Variants in HNRNPM observed in about 807,000 individuals in gnomAD.
The protein encoded by HNRNPM is CEA receptor.
Under a neutral mutation model 73.1 loss-of-function variants are expected in HNRNPM, and 11 were observed. The ratio of observed to expected loss-of-function variants is 0.15; its 90% confidence interval spans 0.09 to 0.25. HNRNPM has a LOEUF of 0.25. Among genes scored for constraint, HNRNPM ranks in the 10% least tolerant of loss-of-function variants. The pLI is 1.00. For missense variants in HNRNPM, 789 were observed against 1,067.9 expected (o/e 0.74, Z 3.64); for synonymous variants, 407 against 355.2 (o/e 1.15, Z -1.64).
chr19:8,445,410 G>A, intron 1 of HNRNPM: 1 of 287,568 alleles, frequency 3.5e-6, no homozygotes, highest in Non-Finnish European at 6.5e-6. Context: ...GATGGCGCGG[G>A]CCCGGACCGG....
chr19:8,445,873 C>T (rs931985419), intron 1 of HNRNPM, among the ~76,000 whole-genome samples: 2 of 152,358 alleles, frequency 1.3e-5, no homozygotes, highest in Middle Eastern at 3.4e-3. Flanking sequence ...CCCTTTTTCC[C>T]GTGTTTCGGG....
chr19:8,475,459 G>A (rs534509497), intron 12 of HNRNPM, among the ~76,000 whole-genome samples: 2 of 152,302 alleles, frequency 1.3e-5, no homozygotes, highest in South Asian at 4.1e-4. Flanking sequence ...CTTCCTTTGC[G>A]GGTCTGCCAT....
chr19:8,473,771 CT>C (rs1297649143), intron 11 of HNRNPM, 63 bp downstream of exon 11: 20 of 1,033,538 alleles, frequency 1.9e-5, no homozygotes, highest in Admixed American at 4.2e-5. Context: ...TCTCTTTCCT[CT>C]TTTCTTTCTT....
At chr19:8,477,142 G>T (rs1970566955) in intron 12 of HNRNPM, among the ~76,000 whole-genome samples, 1 of 152,096 alleles carries the variant, frequency 6.6e-6, no homozygotes, top group Admixed American at 6.5e-5. Context: ...CATTTCTAAG[G>T]AGTGAGATGA....
chr19:8,474,191 G>A lies in HNRNPM; in HGVS notation c.1067G>A (p.Gly356Asp). Residue 356 changes from glycine to aspartate, a missense_variant, in exon 12 of 16, where the codon GGT (glycine) becomes GAT (aspartate). Around this residue, in one of 4 missense-constraint regions of HNRNPM, gnomAD observed 604 missense variants for 744.0 expected, o/e 0.81. Transcript: ENST00000325495. The stretch of plus-strand genomic sequence containing the variant: ...GGAATGGAGGGGCCCTTTGGTGGTG[G>A]TATGGAAAACATGGGTCGATTTGGA... ...MGGMEGPFGG[G>D]MENMGRFGSG... The A allele has an allele frequency of 6.3e-7, 1 of 1,599,502 alleles. No homozygotes were observed. Among genetic ancestry groups the A allele is most frequent in the African/African-American group, 1.4e-5 (1 of 73,828 alleles).
intron 12 of HNRNPM, among the ~76,000 whole-genome samples, chr19:8,475,712 G>A (rs973216960): frequency 1.1e-4 from 16 of 152,180 alleles, no homozygotes; most frequent in African/African-American, 3.4e-4. Context: ...TGTAACTTGT[G>A]TGTGCATGGG....
At chr19:8,454,701 T>A (rs1968880649) in intron 1 of HNRNPM, among the ~76,000 whole-genome samples, 1 of 123,806 alleles carries the variant, frequency 8.1e-6, no homozygotes. Context: ...TTTTTAACAC[T>A]ATGAAAGACA....
rs1397210961 is a variant in HNRNPM at position 8,485,773 on chromosome 19, C to T, written c.1345C>T (p.Arg449Cys). The change falls in exon 14 of 16, where the codon CGC (arginine) becomes TGC (cysteine). Residue 449 changes from arginine (R) to cysteine (C), a missense_variant. Physicochemically the swap from Arg to Cys is radical, Grantham distance 180. Coordinates refer to ENST00000325495, the MANE Select transcript of HNRNPM (RefSeq NM_005968.5). ...CATGGACCGCATGGGCTCCGTGGAG[C>T]GCATGGGCTCCGGCATTGAGCGCAT... ...LVMDRMGSVE[R>C]MGSGIERMGP... 2 of 1,603,326 alleles carry T rather than the reference C, an allele frequency of 1.2e-6. No homozygotes were observed. Among genetic ancestry groups the T allele is most frequent in the East Asian group, 2.2e-5 (1 of 44,666 alleles).
intron 12 of HNRNPM, among the ~76,000 whole-genome samples, chr19:8,474,583 A>G (rs1970375869): frequency 1.3e-5 from 2 of 152,276 alleles, no homozygotes; most frequent in South Asian, 4.1e-4. Context: ...GAGTGCTGCA[A>G]AGGGTTGTTC....
At chr19:8,460,307 TAGC>T (rs1029562153) in intron 2 of HNRNPM, among the ~76,000 whole-genome samples, 4 of 152,202 alleles carry the variant, frequency 2.6e-5, no homozygotes, top group African/African-American at 9.7e-5. Context: ...AAGTATGAAT[TAGC>T]AGCTATTGCA....
chr19:8,455,863 G>A lies in HNRNPM; in HGVS notation c.283+289G>A, dbSNP rs140730434. ...GGCTTAGTATGGTTAATAAGGCTTC[G>A]ATTAGGCTTCCGGGGAGCCTTTTCG... On this transcript the variant is annotated intron_variant, in intron 2 of 15. Transcript: ENST00000325495. Among the ~76,000 whole-genome samples, 56 of 151,124 alleles carry A rather than the reference G, an allele frequency of 3.7e-4. 1 individual carries two copies. The highest frequency in any genetic ancestry group is 1.2e-3 in the African/African-American group (49 of 41,260).
chr19:8,486,909 C>T, intron 14 of HNRNPM, 115 bp from the exon 15 acceptor site: 1 of 831,628 alleles, frequency 1.2e-6, no homozygotes, highest in Non-Finnish European at 2.1e-6. Context: ...GTCTGAAGGG[C>T]AGCCAGCTTC....
At chr19:8,448,101 G>T (rs1462020631) in intron 1 of HNRNPM, among the ~76,000 whole-genome samples, 1 of 152,192 alleles carries the variant, frequency 6.6e-6, no homozygotes, top group African/African-American at 2.4e-5. Flanking sequence ...CAGCTGATGG[G>T]CAGTGAATTT....
chr19:8,468,640 C>T, intron 8 of HNRNPM, 134 bp from the exon 9 acceptor site: 1 of 669,302 alleles, frequency 1.5e-6, no homozygotes, highest in African/African-American at 1.8e-5. Flanking sequence ...GCCTTTCTAC[C>T]CTTGCGTATT....
In HNRNPM at chr19:8,465,334, G is replaced by T; in HGVS notation, c.449G>T (p.Gly150Val). The T allele has an allele frequency of 6.2e-7, 1 of 1,605,322 alleles. No individual in the cohort carries two copies. The highest frequency in any genetic ancestry group is 8.5e-7 in the Non-Finnish European group (1 of 1,176,358). The change falls in exon 6 of 16, where the codon GGT (glycine) becomes GTT (valine). Residue 150 changes from glycine to valine, a missense_variant. This residue lies in a region of HNRNPM where 63 missense variants were observed against 147.4 expected (regional missense o/e 0.43). Transcript: ENST00000325495. Reference sequence around the variant, plus strand: ...TTGTGCTTGTTTTAGGATCCTGATGGTGAACATGCCAGGAGAGCAATGCAA... The same window carrying T: ...TTGTGCTTGTTTTAGGATCCTGATGTTGAACATGCCAGGAGAGCAATGCAA... Reference protein sequence around the residue: ...RPLKVKEDPDGEHARRAMQKV... With the variant: ...RPLKVKEDPDVEHARRAMQKV...
intron 1 of HNRNPM, among the ~76,000 whole-genome samples, chr19:8,453,789 G>T (rs1250325203): frequency 1.3e-5 from 2 of 152,172 alleles, no homozygotes; most frequent in African/African-American, 4.8e-5. Context: ...TAGTCAGAGG[G>T]GTTGCGCTTG....
intron 1 of HNRNPM, among the ~76,000 whole-genome samples, chr19:8,451,992 G>A (rs958404906): frequency 2.0e-5 from 3 of 152,202 alleles, no homozygotes; most frequent in African/African-American, 7.2e-5. Context: ...ACCTCTCAGA[G>A]GGAATGATTA....
At chr19:8,448,466 CTGAG>C (rs986954284) in intron 1 of HNRNPM, among the ~76,000 whole-genome samples, 4 of 141,852 alleles carry the variant, frequency 2.8e-5, no homozygotes, top group African/African-American at 5.0e-5. Flanking sequence ...GCTCCCCTTC[CTGAG>C]TAATTTTTTT....
At chr19:8,475,289 C>A (rs1308023295) in intron 12 of HNRNPM, among the ~76,000 whole-genome samples, 1 of 152,222 alleles carries the variant, frequency 6.6e-6, no homozygotes, top group Non-Finnish European at 1.5e-5. Flanking sequence ...AGGGCACCAG[C>A]AGGGCTGTAG....
Sources: allele counts gnomAD v4.1 joint callset (sites outside exome capture counted in the v4.1 genomes callset), GRCh38; gene constraint gnomAD v4.1.1; regional missense constraint gnomAD v4.1.1; transcripts MANE v1.5; gene names NCBI Gene and HGNC (gene_info 2026-07-23, HGNC 2026-07-21).